Variants in SDK1 observed in about 807,000 individuals in gnomAD.
The protein encoded by SDK1 is sidekick cell adhesion molecule 1, also known as protein sidekick-1.
In SDK1, 157 loss-of-function variants were observed where a neutral mutation model predicts 245.5. The observed-to-expected ratio is 0.64, with a 90% CI of 0.56 to 0.73. The LOEUF (loss-of-function observed/expected upper bound fraction) is 0.73. Among genes scored for constraint, SDK1 ranks in the 30% least tolerant of loss-of-function variants. SDK1 has a pLI of 0.00. For missense variants in SDK1, 3,583 were observed against 3,002.3 expected (o/e 1.19, Z -4.52); for synonymous variants, 1,647 against 1,278.5 (o/e 1.29, Z -6.15).
At chr7:3,953,125 C>G (rs1156514645) in intron 7 of SDK1, among the ~76,000 whole-genome samples, 1 of 151,570 alleles carries the variant, frequency 6.6e-6, no homozygotes, top group African/African-American at 2.4e-5. Context: ...CCTCAGAGAG[C>G]CCCTTAAATA....
intron 4 of SDK1, among the ~76,000 whole-genome samples, chr7:3,676,211 G>T (rs981557595): frequency 6.6e-6 from 1 of 151,762 alleles, no homozygotes; most frequent in Non-Finnish European, 1.5e-5. Context: ...TGGAGACGGG[G>T]TCTCACTATG....
At chr7:3,489,793 C>T (rs569375082) in intron 1 of SDK1, among the ~76,000 whole-genome samples, 3 of 152,270 alleles carry the variant, frequency 2.0e-5, no homozygotes, top group South Asian at 4.1e-4. Flanking sequence ...AAAATTTGAT[C>T]ACAAAGTATA....
chr7:3,985,174 C>G (rs1424823920), intron 13 of SDK1, among the ~76,000 whole-genome samples: 1 of 152,240 alleles, frequency 6.6e-6, no homozygotes, highest in African/African-American at 2.4e-5. Flanking sequence ...ACCCAAGAAG[C>G]ATAAGCTCAG....
intron 1 of SDK1, among the ~76,000 whole-genome samples, chr7:3,509,639 C>A (rs1034512404): frequency 5.9e-5 from 9 of 152,082 alleles, no homozygotes; most frequent in African/African-American, 2.2e-4. Flanking sequence ...GTCTCTGGGC[C>A]CCTCTTCCTC....
intron 5 of SDK1, among the ~76,000 whole-genome samples, chr7:3,828,912 C>T (rs1017262939): frequency 3.3e-5 from 5 of 152,046 alleles, no homozygotes; most frequent in African/African-American, 7.2e-5. Flanking sequence ...CCACCTTGGC[C>T]TCCCAAACCA....
At chr7:3,325,777 G>A (rs967075942) in intron 1 of SDK1, among the ~76,000 whole-genome samples, 3 of 152,094 alleles carry the variant, frequency 2.0e-5, no homozygotes, top group Middle Eastern at 3.2e-3. Context: ...ATAATCCTCA[G>A]TTCTGTTGAA....
chr7:3,936,833 G>C (rs187725186), intron 5 of SDK1, among the ~76,000 whole-genome samples: 17 of 152,298 alleles, frequency 1.1e-4, no homozygotes, highest in African/African-American at 4.1e-4. Flanking sequence ...TGGATGGGTG[G>C]GATTTCAGGA....
Position 3,800,481 on chromosome 7 carries a change from A to C in SDK1, c.714-20969A>C, listed in dbSNP as rs544549040. ...ACTGCAACTTCTGCCTCCTGGGTTT[A>C]AGAGATTCTCCTGCCTCAGCCTTCC... On this transcript the variant is annotated intron_variant, in intron 4 of 44. Coordinates refer to ENST00000404826, the MANE Select transcript of SDK1 (RefSeq NM_152744.4). Among the ~76,000 whole-genome samples the C allele has an allele frequency of 4.6e-5, 7 of 152,104 alleles. No homozygotes were observed. The East Asian group carries it at 1.4e-3, about 29-fold the overall frequency.
intron 1 of SDK1, among the ~76,000 whole-genome samples, chr7:3,500,217 G>C (rs1357364109): frequency 6.6e-6 from 1 of 152,232 alleles, no homozygotes; most frequent in African/African-American, 2.4e-5. Context: ...ACATTTCTCT[G>C]TGTTTTGAGG....
At chr7:3,390,616 G>A (rs1010047361) in intron 1 of SDK1, among the ~76,000 whole-genome samples, 2 of 152,204 alleles carry the variant, frequency 1.3e-5, no homozygotes, top group African/African-American at 4.8e-5. Flanking sequence ...CTTATATGAT[G>A]AGGGGGCTTT....
At chr7:3,359,527 CTTGT>C (rs1350801336) in intron 1 of SDK1, among the ~76,000 whole-genome samples, 4 of 151,936 alleles carry the variant, frequency 2.6e-5, no homozygotes, top group South Asian at 4.2e-4. Flanking sequence ...TCTATTTTTG[CTTGT>C]TTGTGATGAG....
chr7:3,890,090 A>G (rs772872445), intron 5 of SDK1, among the ~76,000 whole-genome samples: 1 of 152,200 alleles, frequency 6.6e-6, no homozygotes, highest in African/African-American at 2.4e-5. Flanking sequence ...CCCTCATTTT[A>G]CAGATGGATT....
At chr7:3,825,703 A>C (rs1262298443) in intron 5 of SDK1, among the ~76,000 whole-genome samples, 1 of 152,198 alleles carries the variant, frequency 6.6e-6, no homozygotes, top group Non-Finnish European at 1.5e-5. Context: ...AGTAGTTGAA[A>C]GTGGATTCCT....
At chr7:4,094,055 T>G (rs1406122192) in intron 22 of SDK1, among the ~76,000 whole-genome samples, 3 of 152,032 alleles carry the variant, frequency 2.0e-5, no homozygotes, top group East Asian at 3.9e-4. Flanking sequence ...GTGGTTTTTT[T>G]TGTGTTTTTT....
At chr7:3,427,753 T>C (rs1023920365) in intron 1 of SDK1, among the ~76,000 whole-genome samples, 2 of 152,154 alleles carry the variant, frequency 1.3e-5, no homozygotes, top group Non-Finnish European at 2.9e-5. Context: ...TGGCATCACT[T>C]CCTCTGGGAC....
chr7:3,460,853 T>G (rs540788033), intron 1 of SDK1, among the ~76,000 whole-genome samples: 3 of 152,294 alleles, frequency 2.0e-5, no homozygotes, highest in African/African-American at 7.2e-5. Flanking sequence ...TTGCTCTGTT[T>G]CTTGTCATTT....
chr7:4,000,564 C>T (rs1319981530), intron 14 of SDK1, among the ~76,000 whole-genome samples: 1 of 152,104 alleles, frequency 6.6e-6, no homozygotes, highest in Non-Finnish European at 1.5e-5. Context: ...AACCCGTCAG[C>T]CGTCTCCACG....
chr7:3,560,012 C>G (rs897889172), intron 1 of SDK1, among the ~76,000 whole-genome samples: 3 of 152,116 alleles, frequency 2.0e-5, no homozygotes, highest in Admixed American at 1.3e-4. Context: ...ATGTGTAGCC[C>G]CAGGAGACAG....
intron 1 of SDK1, among the ~76,000 whole-genome samples, chr7:3,384,009 C>G (rs1335853697): frequency 6.6e-6 from 1 of 151,990 alleles, no homozygotes; most frequent in Non-Finnish European, 1.5e-5. Flanking sequence ...CCTTATAGAA[C>G]TACTGAGGTT....
Sources: gnomAD v4.1 joint callset for allele counts (sites outside exome capture counted in the v4.1 genomes callset) on GRCh38, gnomAD v4.1.1 for gene constraint, MANE v1.5 for transcripts, NCBI Gene and HGNC (gene_info 2026-07-23, HGNC 2026-07-21) for gene names.